The following COL16A1 variants were observed in gnomAD, a reference collection of about 807,000 sequenced individuals.
The protein encoded by COL16A1 is collagen alpha-1(XVI) chain.
In COL16A1, 189 loss-of-function variants were observed where a neutral mutation model predicts 266.3. That is an observed-to-expected ratio of 0.71 (90% CI 0.63 to 0.80). The LOEUF is 0.80. COL16A1 is among the 30% of genes least tolerant of loss of function. The pLI is 0.00. For missense variants in COL16A1, 1,928 were observed against 2,122.4 expected (o/e 0.91, Z 1.80); for synonymous variants, 740 against 782.3 (o/e 0.95, Z 0.90).
intron 42 of COL16A1, chr1:31,679,228 A>T: frequency 1.7e-6 from 1 of 577,664 alleles, no homozygotes; most frequent in Non-Finnish European, 3.0e-6. Flanking sequence ...GAGGGCAGGG[A>T]CTTTTATTTT....
rs1038318827 is a variant in COL16A1 at position 31,658,947 on chromosome 1, T to A, written c.3897A>T (p.Pro1299=). 8.4e-6 allele frequency: 13 copies of A among 1,554,452 alleles called. No homozygotes were observed. Among genetic ancestry groups the A allele is most frequent in the Non-Finnish European group, 1.1e-5 (13 of 1,148,612 alleles). Residue 1299 remains proline (P), a synonymous_variant, in exon 63 of 71, where the codon CCA becomes CCT. Coordinates refer to ENST00000373672, the MANE Select transcript of COL16A1 (RefSeq NM_001856.4). ...AGATCCCAGCTGGTCCTGGCTGGCC[T>A]GGAGGCCCTGGTGGCCCCTAAAGAG... ...PPGHVGPPGP[P]GQPGPAGISA... is the part of the protein sequence containing the mutation.
intron 68 of COL16A1, 41 bp from the exon 69 acceptor site, chr1:31,654,084 C>A: frequency 6.3e-7 from 1 of 1,578,182 alleles, no homozygotes; most frequent in Non-Finnish European, 8.6e-7. Context: ...TCAGAGGGTC[C>A]CCCAGGGACT....
Position 31,688,750 on chromosome 1 carries a change from C to G in COL16A1, c.1767+111G>C. On this transcript the variant is annotated intron_variant, in intron 25 of 70. Coordinates refer to ENST00000373672, the MANE Select transcript of COL16A1 (RefSeq NM_001856.4). This position sits in a 1 kb window ranked among gnomAD's most constrained non-coding sequence, Gnocchi z 4.9. ...GACAGGCCTGGGACACCTGCCTCTT[C>G]CCCTCCCTCCTGATCCCTGCCCTGA... 1.6e-6 allele frequency: 2 copies of G among 1,230,580 alleles called. No individual in the cohort carries two copies. Among genetic ancestry groups the G allele is most frequent in the South Asian group, 2.8e-5 (2 of 70,582 alleles). The allele number at this position is 1,230,580 out of a possible 1,614,324, so 76.2% of individuals were successfully genotyped here.
At chr1:31,653,768 CA>C in intron 69 of COL16A1, 92 bp from the exon 70 acceptor site, 1 of 1,572,498 alleles carries the variant, frequency 6.4e-7, no homozygotes, top group Non-Finnish European at 8.7e-7. Context: ...CACACACACA[CA>C]CACACATACA....
intron 8 of COL16A1, 121 bp downstream of exon 8, chr1:31,696,842 G>C (rs1644523553): frequency 6.6e-7 from 1 of 1,512,784 alleles, no homozygotes; most frequent in Admixed American, 1.8e-5. Context: ...AGGGCTTCCA[G>C]TGCCCCTCCT....
At position 31,662,638 on chromosome 1, in the gene COL16A1, GC is replaced by G. The variant is rs1388111811; in HGVS notation, c.3575del (p.Gly1192AlafsTer35). 6.4e-7 allele frequency: 1 copy of G among 1,552,102 alleles called. No individual in the cohort carries two copies. Among genetic ancestry groups the G allele is most frequent in the Admixed American group, 1.9e-5 (1 of 51,604 alleles). On this transcript the variant is annotated frameshift_variant, in exon 57 of 71. Transcript: ENST00000373672. LOFTEE classifies it high-confidence loss of function. Reference protein sequence around the residue: ...QAEKGSEGIRGPSGLPGSPGP... With the variant: ...QAEKGSEGIRXPSGLPGSPGP... ...CAGGGGAGCCAGGCAGGCCTGATGG[GC>G]CTCGAATCCCTTCGCTGCCCTGGAA...
intron 44 of COL16A1, chr1:31,673,279 G>GC: frequency 3.7e-6 from 1 of 271,948 alleles, no homozygotes; most frequent in Non-Finnish European, 7.4e-6. Flanking sequence ...CTTCCCAGGA[G>GC]CCCCTGGGAC....
Position 31,685,593 on chromosome 1 carries a change from C to T in COL16A1, c.2016+46G>A, listed in dbSNP as rs369408239. 1.1e-4 allele frequency: 175 copies of T among 1,596,646 alleles called. No homozygotes were observed. Among genetic ancestry groups the T allele is most frequent in the African/African-American group, 1.6e-4 (12 of 74,622 alleles). On this transcript the variant is annotated intron_variant, in intron 29 of 70. Transcript: ENST00000373672. The surrounding 1 kb of genome is among the most constrained non-coding windows in gnomAD (Gnocchi z 4.0). ...AGGACCCCTCCCCTCTCCTTAGCCC[C>T]GCCTGCATCCCCCGTCCAGAGGCCC...
In COL16A1 at chr1:31,697,797, A is replaced by C. The variant is rs1438018047; in HGVS notation, c.657+109T>G. On this transcript the variant is annotated intron_variant, in intron 6 of 70. Coordinates refer to ENST00000373672, the MANE Select transcript of COL16A1 (RefSeq NM_001856.4). The surrounding 1 kb of genome is among the most constrained non-coding windows in gnomAD (Gnocchi z 4.2). ...TGCATTTGGAGGGCAACAGGAAAGC[A>C]GGGGAAGATTCTAAGCAGGAGAAGG... is the stretch of plus-strand genomic sequence containing the variant. The C allele has an allele frequency of 5.3e-6, 7 of 1,317,072 alleles. No homozygotes were observed. Among genetic ancestry groups the C allele is most frequent in the Non-Finnish European group, 7.3e-6 (7 of 965,034 alleles). 81.6% of individuals were successfully genotyped at this position (1,317,072 alleles called of 1,614,324 possible).
At position 31,691,988 on chromosome 1, in the gene COL16A1, G is replaced by T. The variant is rs769957781; in HGVS notation, c.1257+17C>A. The T allele has an allele frequency of 1.2e-6, 2 of 1,613,718 alleles. No homozygotes were observed. The highest frequency in any genetic ancestry group is 3.3e-5 in the Admixed American group (2 of 60,020). The stretch of plus-strand genomic sequence containing the variant: ...CCGTGCTGTGGGTTGTGGTGGGGAA[G>T]GGTCCCAGGCACCTACGTCCCGGCC... On this transcript the variant is annotated intron_variant, in intron 17 of 70. Transcript: ENST00000373672.
chr1:31,686,489 A>G (rs1643983901), intron 26 of COL16A1: 1 of 719,250 alleles, frequency 1.4e-6, no homozygotes, highest in Non-Finnish European at 2.5e-6. Flanking sequence ...GCTTCACCTC[A>G]TGGAATCCAG....
intron 47 of COL16A1, among the ~76,000 whole-genome samples, chr1:31,672,202 C>T (rs771127162): frequency 1.3e-5 from 2 of 152,100 alleles, no homozygotes; most frequent in African/African-American, 4.8e-5. Flanking sequence ...TGGAGAAGAG[C>T]GTTGCAGGCA....
At chr1:31,658,880 T>C (rs751423424) in intron 63 of COL16A1, 34 bp downstream of exon 63, 184 of 1,551,354 alleles carry the variant, frequency 1.2e-4, no homozygotes, top group Non-Finnish European at 1.5e-4. Flanking sequence ...GCAAAACTCC[T>C]GGGAGGGAGG....
chr1:31,666,076 G>A lies in COL16A1; in HGVS notation c.3363C>T (p.Pro1121=). The part of the protein sequence containing the change: ...GSAGEKGEPG[P]PGSEGLPGPP... The stretch of plus-strand genomic sequence containing the variant: ...GGCCTGGGAGGCCTTCAGATCCTGG[G>A]GGGCCCTAAGGATACAAAGGAACAG... The change falls in exon 53 of 71, where the codon CCC becomes CCT. Residue 1121 remains proline (P), a synonymous_variant. Transcript: ENST00000373672. 1 of 1,610,098 alleles carries A rather than the reference G, an allele frequency of 6.2e-7. No individual in the cohort carries two copies. Among genetic ancestry groups the A allele is most frequent in the South Asian group, 1.1e-5 (1 of 90,892 alleles).
At chr1:31,694,337 T>C (rs575502931) in intron 11 of COL16A1, among the ~76,000 whole-genome samples, 167 bp from the exon 12 acceptor site, 4 of 152,326 alleles carry the variant, frequency 2.6e-5, no homozygotes, top group East Asian at 1.9e-4. Context: ...CCGATTCCAT[T>C]TCCTCAGCCT....
rs1475136051 is a variant in COL16A1, at chr1:31,683,187, G to A, written c.2469+7C>T. On this transcript the variant is annotated splice_region_variant and intron_variant, in intron 36 of 70. Transcript: ENST00000373672. ...CAGGCCCAATACCCATGGAGGCAGA[G>A]GCTCACCTGGGCACCCTTCTCTCCA... 6.2e-7 allele frequency: 1 copy of A among 1,614,140 alleles called. No homozygotes were observed. Among genetic ancestry groups the A allele is most frequent in the Non-Finnish European group, 8.5e-7 (1 of 1,180,022 alleles).
rs940341276 is a variant in COL16A1 at position 31,660,616 on chromosome 1, G to A, written c.3848C>T (p.Pro1283Leu). Residue 1283 changes from proline (P) to leucine (L), a missense_variant, in exon 62 of 71, where the codon CCC becomes CTC. Around this residue, in one of 2 missense-constraint regions of COL16A1, gnomAD observed 376 missense variants for 485.2 expected, o/e 0.77. Coordinates refer to ENST00000373672, the MANE Select transcript of COL16A1 (RefSeq NM_001856.4). ...TCCCGGGGGACCGGGTCTTCCCTGGGGTCCCATGGCACCAGGTTCACCCTG... is the reference window on the plus strand; with the variant it reads ...TCCCGGGGGACCGGGTCTTCCCTGGAGTCCCATGGCACCAGGTTCACCCTG... ...GAEGEPGAMGPQGRPGPPGHV... is the reference protein window; with the variant it reads ...GAEGEPGAMGLQGRPGPPGHV... 4 of 1,614,146 alleles carry A rather than the reference G, an allele frequency of 2.5e-6. No individual in the cohort carries two copies. In the South Asian group the frequency reaches 3.3e-5, roughly 13 times the overall value.
intron 68 of COL16A1, among the ~76,000 whole-genome samples, chr1:31,654,365 C>T (rs1413966720): frequency 6.6e-6 from 1 of 152,212 alleles, no homozygotes; most frequent in Non-Finnish European, 1.5e-5. Context: ...CCAAGCAAGA[C>T]GTCCAGCCCT....
In COL16A1 at chr1:31,685,811, C is replaced by G. The variant is rs569916894; in HGVS notation, c.1885-41G>C. 2.5e-6 allele frequency: 4 copies of G among 1,606,366 alleles called. No homozygotes were observed. The highest frequency in any genetic ancestry group is 4.5e-5 in the East Asian group (2 of 44,634). On this transcript the variant is annotated intron_variant, in intron 28 of 70. Coordinates refer to ENST00000373672, the MANE Select transcript of COL16A1 (RefSeq NM_001856.4). The surrounding 1 kb of genome is among the most constrained non-coding windows in gnomAD (Gnocchi z 4.0). ...ATTGAGTTAGGGGGTCCCCCAGGCC[C>G]TAGTGCACTTGAGCGAGGTTTGGAA...
Sources: allele counts gnomAD v4.1 joint callset (sites outside exome capture counted in the v4.1 genomes callset), GRCh38; gene constraint gnomAD v4.1.1; regional missense constraint gnomAD v4.1.1; non-coding constraint Gnocchi (gnomAD v3.1); transcripts MANE v1.5; gene names NCBI Gene and HGNC (gene_info 2026-07-23, HGNC 2026-07-21).